The following IQSEC3 variants were observed in gnomAD, a reference collection of about 807,000 sequenced individuals.
IQSEC3 encodes the protein IQ motif and Sec7 domain ArfGEF 3.
IQSEC3 carries 50 observed loss-of-function variants against 105.4 expected under a neutral mutation model. The observed-to-expected ratio is 0.47, with a 90% CI of 0.38 to 0.60. IQSEC3 has a LOEUF of 0.60. Among genes scored for constraint, IQSEC3 ranks in the 20% least tolerant of loss-of-function variants. IQSEC3 has a pLI of 0.00. For synonymous variants in IQSEC3, 708 were observed against 746.0 expected (o/e 0.95, Z 0.83); for missense variants, 1,415 against 1,630.0 (o/e 0.87, Z 2.27).
chr12:173,297 G>A (rs1313893346), intron 13 of IQSEC3, among the ~76,000 whole-genome samples: 3 of 152,166 alleles, frequency 2.0e-5, no homozygotes, highest in Non-Finnish European at 2.9e-5. Context: ...TGGAGGCTGA[G>A]AAGGAAAAAT....
chr12:78,439 A>T (rs1466811505), intron 1 of IQSEC3, among the ~76,000 whole-genome samples: 11 of 151,756 alleles, frequency 7.2e-5, no homozygotes, highest in African/African-American at 2.7e-4. Flanking sequence ...GAGGACGGTG[A>T]CACCGAGGTA....
chr12:128,165 C>T (rs1417950294), intron 3 of IQSEC3, among the ~76,000 whole-genome samples: 3 of 152,186 alleles, frequency 2.0e-5, no homozygotes, highest in African/African-American at 7.2e-5. Context: ...CCCTGCCTCC[C>T]AAGCCTGCAC....
At chr12:110,952 G>GTT (rs1173254994) in intron 2 of IQSEC3, among the ~76,000 whole-genome samples, 14 of 152,122 alleles carry the variant, frequency 9.2e-5, no homozygotes, top group African/African-American at 3.4e-4. Context: ...CTTTCCTCTA[G>GTT]TTTGGATAAG....
intron 5 of IQSEC3, among the ~76,000 whole-genome samples, chr12:145,997 C>A (rs114499019): frequency 6.6e-6 from 1 of 152,192 alleles, no homozygotes; most frequent in African/African-American, 2.4e-5. Context: ...CCCTCCACTG[C>A]GTCTGCTCCA....
At position 178,418 on chromosome 12, in the gene IQSEC3, A is replaced by G. The variant is rs1453190441; in HGVS notation, c.*3385A>G. 1 of 152,256 alleles carries G rather than the reference A, an allele frequency of 6.6e-6. No homozygotes were observed. The highest frequency in any genetic ancestry group is 1.5e-5 in the Non-Finnish European group (1 of 68,050). The allele number at this position is 152,256 out of a possible 1,614,324, so 9.4% of individuals were successfully genotyped here. On this transcript the variant is annotated 3_prime_UTR_variant, in exon 14 of 14. Transcript: ENST00000538872. The stretch of plus-strand genomic sequence containing the variant: ...CAGAGGTATTTTATCTGTTCAATTC[A>G]TAGAGTTTTAGAGATTATATTGAAA...
At chr12:163,473 G>A (rs782663950) in intron 8 of IQSEC3, 21 bp from the exon 9 acceptor site, 2 of 1,590,728 alleles carry the variant, frequency 1.3e-6, no homozygotes, top group Admixed American at 1.7e-5. Flanking sequence ...CTCTCCCGCT[G>A]AGCGCCCTGC....
chr12:128,964 C>T (rs1487141901), intron 3 of IQSEC3, among the ~76,000 whole-genome samples: 5 of 152,212 alleles, frequency 3.3e-5, no homozygotes, highest in African/African-American at 1.2e-4. Context: ...TTTGCTGTCC[C>T]GAATCTCAAG....
chr12:132,279 T>G (rs1374546969), intron 3 of IQSEC3, among the ~76,000 whole-genome samples: 3 of 151,620 alleles, frequency 2.0e-5, no homozygotes, highest in Non-Finnish European at 4.4e-5. Flanking sequence ...GTGGGGGCGG[T>G]CGGGGGAGAG....
chr12:106,149 T>A (rs1864641609), intron 2 of IQSEC3, among the ~76,000 whole-genome samples: 1 of 152,228 alleles, frequency 6.6e-6, no homozygotes, highest in Non-Finnish European at 1.5e-5. Context: ...GGTGAAATAT[T>A]ATTCCCATTT....
chr12:85,862 A>G (rs1863900614), intron 1 of IQSEC3, among the ~76,000 whole-genome samples: 1 of 152,168 alleles, frequency 6.6e-6, no homozygotes, highest in Non-Finnish European at 1.5e-5. Context: ...TGTCTCTAGC[A>G]TGTGTTGTGC....
intron 2 of IQSEC3, among the ~76,000 whole-genome samples, 166 bp downstream of exon 2, chr12:99,380 T>G (rs1208825445): frequency 6.6e-6 from 1 of 152,198 alleles, no homozygotes; most frequent in Non-Finnish European, 1.5e-5. Context: ...CTCTGCTCCC[T>G]CTGGACCCCA....
At chr12:85,792 G>A (rs1555071923) in intron 1 of IQSEC3, among the ~76,000 whole-genome samples, 1 of 152,216 alleles carries the variant, frequency 6.6e-6, no homozygotes, top group Non-Finnish European at 1.5e-5. Context: ...GTAAAATGAG[G>A]ATTAGTTATA....
chr12:126,018 C>T (rs986056129), intron 3 of IQSEC3, 106 bp downstream of exon 3: 32 of 1,167,548 alleles, frequency 2.7e-5, no homozygotes, highest in Admixed American at 1.3e-4. Context: ...CCGCTACAGG[C>T]ACACCTCTTT....
chr12:74,505 C>T (rs1555068480), intron 1 of IQSEC3, among the ~76,000 whole-genome samples: 2 of 152,258 alleles, frequency 1.3e-5, no homozygotes, highest in Non-Finnish European at 2.9e-5. Flanking sequence ...TTTGCTGTTG[C>T]TCTTTGGTTG....
At chr12:79,160 A>G (rs1863660173) in intron 1 of IQSEC3, among the ~76,000 whole-genome samples, 2 of 151,426 alleles carry the variant, frequency 1.3e-5, no homozygotes. Flanking sequence ...ACACAGAGGG[A>G]GCTGGGAGTG....
At chr12:141,374 G>A (rs1219454862) in intron 5 of IQSEC3, 89 bp downstream of exon 5, 56 of 1,381,046 alleles carry the variant, frequency 4.1e-5, no homozygotes, top group South Asian at 6.5e-5. Flanking sequence ...TGAAATCCTC[G>A]CTCCAGTTCT....
chr12:99,142 G>C lies in IQSEC3; in HGVS notation c.555-4G>C. The C allele has an allele frequency of 2.5e-6, 4 of 1,598,110 alleles. No individual in the cohort carries two copies. In the South Asian group the frequency reaches 4.4e-5, roughly 18 times the overall value. ...GCTCTGATCTCCCTCTGCTCTGCCCGCAGGAATGAGACCGTGCTGCACCAG... is the reference window on the plus strand; with the variant it reads ...GCTCTGATCTCCCTCTGCTCTGCCCCCAGGAATGAGACCGTGCTGCACCAG... On this transcript the variant is annotated splice_region_variant and splice_polypyrimidine_tract_variant and intron_variant, in intron 1 of 13. Coordinates refer to ENST00000538872, the MANE Select transcript of IQSEC3 (RefSeq NM_001170738.2).
chr12:151,479 A>C (rs1391538893), intron 5 of IQSEC3, among the ~76,000 whole-genome samples: 1 of 152,130 alleles, frequency 6.6e-6, no homozygotes, highest in Non-Finnish European at 1.5e-5. Flanking sequence ...CCTTAGCCCA[A>C]GCCCCATTAT....
At position 177,547 on chromosome 12, in the gene IQSEC3, G is replaced by A. The variant is rs1011839395; in HGVS notation, c.*2514G>A. 1 of 152,340 alleles carries A rather than the reference G, an allele frequency of 6.6e-6. No individual in the cohort carries two copies. Among genetic ancestry groups the A allele is most frequent in the African/African-American group, 2.4e-5 (1 of 41,460 alleles). The allele number at this position is 152,340 out of a possible 1,614,324, so 9.4% of individuals were successfully genotyped here. ...TGCCCTGGGCTCCACGGGCAGCACAGGGAGTCTGTCCAGGAAGCAGCCCAG... is the reference window on the plus strand; with the variant it reads ...TGCCCTGGGCTCCACGGGCAGCACAAGGAGTCTGTCCAGGAAGCAGCCCAG... On this transcript the variant is annotated 3_prime_UTR_variant, in exon 14 of 14. Coordinates refer to ENST00000538872, the MANE Select transcript of IQSEC3 (RefSeq NM_001170738.2). The surrounding 1 kb of genome is among the most constrained non-coding windows in gnomAD (Gnocchi z 5.3).
Sources: gnomAD v4.1 joint callset for allele counts (sites outside exome capture counted in the v4.1 genomes callset) on GRCh38, gnomAD v4.1.1 for gene constraint, Gnocchi (gnomAD v3.1) non-coding constraint, MANE v1.5 for transcripts, NCBI Gene and HGNC (gene_info 2026-07-23, HGNC 2026-07-21) for gene names.